Variants in ATP8A2 observed in about 807,000 individuals in gnomAD.
ATP8A2 encodes ATPase phospholipid transporting 8A2.
ATP8A2 carries 100 observed loss-of-function variants against 165.6 expected under a neutral mutation model. The ratio of observed to expected loss-of-function variants is 0.60; its 90% confidence interval spans 0.51 to 0.71. ATP8A2 has a LOEUF of 0.71. Ranked by LOEUF, ATP8A2 falls within the 30% of genes least tolerant of loss-of-function variation. ATP8A2 has a pLI of 0.00. For synonymous variants in ATP8A2, 543 were observed against 548.8 expected (o/e 0.99, Z 0.15); for missense variants, 1,227 against 1,479.5 (o/e 0.83, Z 2.80).
At chr13:25,401,741 A>G (rs762229489) in intron 1 of ATP8A2, among the ~76,000 whole-genome samples, 35 of 152,236 alleles carry the variant, frequency 2.3e-4, no homozygotes, top group Admixed American at 6.5e-5. Context: ...TTCTTCCTGC[A>G]CATACATACC....
At chr13:25,488,089 C>T (rs967495928) in intron 2 of ATP8A2, among the ~76,000 whole-genome samples, 2 of 152,094 alleles carry the variant, frequency 1.3e-5, no homozygotes, top group South Asian at 2.1e-4. Flanking sequence ...GTACAGTGGC[C>T]GTGGATATCG....
chr13:25,753,448 A>T (rs749906897), intron 25 of ATP8A2, among the ~76,000 whole-genome samples: 5 of 152,178 alleles, frequency 3.3e-5, no homozygotes, highest in Non-Finnish European at 4.4e-5. Flanking sequence ...TCTACAGAGT[A>T]CAGCAATGCA....
intron 24 of ATP8A2, among the ~76,000 whole-genome samples, chr13:25,593,632 C>T (rs2040154768): frequency 6.6e-6 from 1 of 152,128 alleles, no homozygotes; most frequent in Non-Finnish European, 1.5e-5. Context: ...CACTGGCATC[C>T]TCAATTTTTT....
chr13:25,696,476 G>A (rs544633225), intron 24 of ATP8A2, among the ~76,000 whole-genome samples: 9 of 152,306 alleles, frequency 5.9e-5, no homozygotes, highest in Non-Finnish European at 1.2e-4. Flanking sequence ...CTGTTATTCA[G>A]TGAAGCCACC....
intron 18 of ATP8A2, among the ~76,000 whole-genome samples, chr13:25,573,059 A>G (rs898455853): frequency 6.6e-6 from 1 of 152,234 alleles, no homozygotes; most frequent in Non-Finnish European, 1.5e-5. Flanking sequence ...AAGGAAATGT[A>G]CCATCATTAA....
chr13:25,715,021 AG>A (rs776630062), intron 25 of ATP8A2, among the ~76,000 whole-genome samples: 6 of 152,186 alleles, frequency 3.9e-5, no homozygotes, highest in Non-Finnish European at 8.8e-5. Context: ...TTCATTTGAA[AG>A]TTATATACCT....
At chr13:25,404,543 C>T (rs1023115866) in intron 1 of ATP8A2, among the ~76,000 whole-genome samples, 1 of 151,974 alleles carries the variant, frequency 6.6e-6, no homozygotes, top group Admixed American at 6.6e-5. Context: ...GGGGAACACC[C>T]AGGGGAGTGG....
chr13:25,867,894 AC>A (rs1298047218), intron 33 of ATP8A2: 1 of 226,028 alleles, frequency 4.4e-6, no homozygotes, highest in African/African-American at 2.3e-5. Flanking sequence ...AGACAAAAAG[AC>A]AAACAAAAAC....
chr13:25,599,602 G>A (rs1207012175), intron 24 of ATP8A2, among the ~76,000 whole-genome samples: 2 of 152,106 alleles, frequency 1.3e-5, no homozygotes, highest in Non-Finnish European at 2.9e-5. Flanking sequence ...GTATCACTTG[G>A]GTTTTTCTTT....
intron 1 of ATP8A2, among the ~76,000 whole-genome samples, chr13:25,422,152 G>T (rs2034319013): frequency 6.6e-6 from 1 of 151,960 alleles, no homozygotes; most frequent in Non-Finnish European, 1.5e-5. Context: ...CTATAGTATT[G>T]TTTAAACAGA....
chr13:25,427,863 C>T (rs758647076), intron 1 of ATP8A2, among the ~76,000 whole-genome samples: 31 of 151,740 alleles, frequency 2.0e-4, no homozygotes, highest in Non-Finnish European at 3.5e-4. Context: ...CACTGCACTC[C>T]AGCCTGGTGA....
chr13:25,455,812 A>G (rs767882773), intron 1 of ATP8A2, among the ~76,000 whole-genome samples: 10 of 152,206 alleles, frequency 6.6e-5, no homozygotes, highest in Non-Finnish European at 1.2e-4. Context: ...CCTGATTTGT[A>G]TCTGTTATAA....
At chr13:25,860,026 A>C (rs1952298482) in intron 30 of ATP8A2, among the ~76,000 whole-genome samples, 169 bp from the exon 31 acceptor site, 1 of 152,206 alleles carries the variant, frequency 6.6e-6, no homozygotes, top group Non-Finnish European at 1.5e-5. Flanking sequence ...ATATAAGATG[A>C]AAAAGTTCAT....
At chr13:25,836,470 G>A (rs1309515486) in intron 28 of ATP8A2, among the ~76,000 whole-genome samples, 4 of 152,146 alleles carry the variant, frequency 2.6e-5, no homozygotes, top group Non-Finnish European at 5.9e-5. Flanking sequence ...TTGCAGGTCA[G>A]ATACTCTTTG....
chr13:25,785,405 T>C (rs2138375391), intron 27 of ATP8A2, among the ~76,000 whole-genome samples: 1 of 152,290 alleles, frequency 6.6e-6, no homozygotes, highest in African/African-American at 2.4e-5. Flanking sequence ...TTGAATTCTT[T>C]AAACACATTT....
At chr13:25,403,346 G>A (rs2033698922) in intron 1 of ATP8A2, among the ~76,000 whole-genome samples, 1 of 152,140 alleles carries the variant, frequency 6.6e-6, no homozygotes, top group Non-Finnish European at 1.5e-5. Context: ...TACAGCGGGA[G>A]GAAGAGACTA....
intron 16 of ATP8A2, among the ~76,000 whole-genome samples, chr13:25,564,964 G>C (rs1296266713): frequency 2.0e-5 from 3 of 150,418 alleles, no homozygotes; most frequent in Non-Finnish European, 4.4e-5. Flanking sequence ...CATGATGTTT[G>C]GTTTTCCATT....
chr13:25,504,568 G>A (rs1397061248), intron 2 of ATP8A2, among the ~76,000 whole-genome samples: 2 of 147,014 alleles, frequency 1.4e-5, no homozygotes, highest in Admixed American at 6.7e-5. Context: ...GTGAAACCCC[G>A]TCTCTACTAA....
chr13:25,872,036 C>T (rs1324778405), intron 33 of ATP8A2, among the ~76,000 whole-genome samples: 3 of 149,134 alleles, frequency 2.0e-5, no homozygotes, highest in Admixed American at 6.7e-5. Flanking sequence ...GCCTGCCCTG[C>T]GTCCATTCCC....
Sources: allele counts gnomAD v4.1 joint callset (sites outside exome capture counted in the v4.1 genomes callset), GRCh38; gene constraint gnomAD v4.1.1; transcripts MANE v1.5; gene names NCBI Gene and HGNC (gene_info 2026-07-23, HGNC 2026-07-21).